TRANK1: variants seen among roughly 807,000 people sequenced by gnomAD.
The protein encoded by TRANK1 is TPR and ankyrin repeat-containing protein 1.
In TRANK1, 198 loss-of-function variants were observed where a neutral mutation model predicts 266.0. The ratio of observed to expected loss-of-function variants is 0.74; its 90% CI spans 0.66 to 0.84. The LOEUF (loss-of-function observed/expected upper bound fraction) is 0.84. TRANK1 is among the 40% of genes least tolerant of loss of function. TRANK1 has a pLI of 0.00. For missense variants in TRANK1, 3,326 were observed against 3,634.6 expected (o/e 0.92, Z 2.18); for synonymous variants, 1,396 against 1,384.1 (o/e 1.01, Z -0.19).
Position 36,851,729 on chromosome 3 carries a change from GT to G in TRANK1, c.4876del (p.Thr1626LeufsTer47), listed in dbSNP as rs1325556576. 1 of 1,611,786 alleles carries G rather than the reference GT, an allele frequency of 6.2e-7. No individual in the cohort carries two copies. Among genetic ancestry groups the G allele is most frequent in the Non-Finnish European group, 8.5e-7 (1 of 1,179,330 alleles). On this transcript the variant is annotated frameshift_variant, in exon 15 of 24. Coordinates refer to ENST00000645898, the MANE Select transcript of TRANK1 (RefSeq NM_001329998.2). LOFTEE classifies it high-confidence loss of function. ...TTAGGTGTGACATACCTCAGAATCA[GT>G]AAAAAAGTTGTAAAGGAGGACATCA... The part of the protein sequence containing the change: ...FDDVLLYNFF[T>X]DSEAYKEWKI...
rs904129336 is a variant in TRANK1, at chr3:36,831,699, A to G, written c.7884T>C (p.Ala2628=). 6.2e-7 allele frequency: 1 copy of G among 1,613,854 alleles called. No homozygotes were observed. ...VLVAVNVKSV[A]EALQDLLFER... is the part of the protein sequence containing the mutation. ...CAAAGAGCAGGTCCTGCAGTGCCTC[A>G]GCCACAGACTTCACATTGACTGCCA... is the stretch of plus-strand genomic sequence containing the variant. The change falls in exon 22 of 24, where the codon GCT becomes GCC. Residue 2628 remains alanine (A), a synonymous_variant. Coordinates refer to ENST00000645898, the MANE Select transcript of TRANK1 (RefSeq NM_001329998.2). This position sits in a 1 kb window ranked among gnomAD's most constrained non-coding sequence, Gnocchi z 5.0.
Position 36,895,687 on chromosome 3 carries a change from C to G in TRANK1, c.505G>C (p.Val169Leu). 6.5e-7 allele frequency: 1 copy of G among 1,536,686 alleles called. No homozygotes were observed. Among genetic ancestry groups the G allele is most frequent in the East Asian group, 2.4e-5 (1 of 40,858 alleles). The stretch of plus-strand genomic sequence containing the variant: ...AACTTTTCTATTACAGATTGCCACA[C>G]TTCTGTTGGGAATCCAGTTGTGAAA... ...HIFTTGFPTE[V>L]WQSVIEKLAK... is the part of the protein sequence containing the mutation. The change falls in exon 5 of 24, where the codon GTG becomes CTG. Residue 169 changes from valine to leucine, a missense_variant. Coordinates refer to ENST00000645898, the MANE Select transcript of TRANK1 (RefSeq NM_001329998.2).
chr3:36,850,092 C>T (rs1167897950), intron 15 of TRANK1: 7 of 985,414 alleles, frequency 7.1e-6, no homozygotes, highest in African/African-American at 3.5e-5. Context: ...GCTCCTTGAG[C>T]TTCTTACTCG....
chr3:36,855,862 C>G lies in TRANK1; in HGVS notation c.3860G>C (p.Ser1287Thr), dbSNP rs1391594823. The G allele has an allele frequency of 1.2e-6, 2 of 1,613,562 alleles. No individual in the cohort carries two copies. Among genetic ancestry groups the G allele is most frequent in the East Asian group, 2.2e-5 (1 of 44,846 alleles). Residue 1287 changes from serine to threonine, a missense_variant, in exon 13 of 24, where the codon AGT becomes ACT. Physicochemically the swap from Ser to Thr is moderately conservative, Grantham distance 58. Coordinates refer to ENST00000645898, the MANE Select transcript of TRANK1 (RefSeq NM_001329998.2). ...WSAQEESTIP[S>T]WQEDEEEAEV... ...AGCCTCCTCTTCATCCTCTTGCCAA[C>G]TAGGAATGGTTGACTCTTCCTGTGC...
At position 36,910,511 on chromosome 3, in the gene TRANK1, G is replaced by A. The variant is rs138981717; in HGVS notation, c.24-2057C>T. 7.5e-3 allele frequency among the ~76,000 whole-genome samples: 1,141 copies of A among 152,086 alleles called. 12 individuals are homozygous for A. The highest frequency in any genetic ancestry group is 0.024 in the African/African-American group (1,011 of 41,482). On this transcript the variant is annotated intron_variant, in intron 1 of 23. Coordinates refer to ENST00000645898, the MANE Select transcript of TRANK1 (RefSeq NM_001329998.2). ...TCCCAGCACTTTGGGAGGCTGAGGC[G>A]GGCAGACCACCTGAGGTCAGGAGTT... is the stretch of plus-strand genomic sequence containing the variant.
chr3:36,844,396 T>C (rs1386621598), intron 17 of TRANK1, among the ~76,000 whole-genome samples: 2 of 152,098 alleles, frequency 1.3e-5, no homozygotes, highest in Non-Finnish European at 2.9e-5. Flanking sequence ...CGGGCTAATT[T>C]TTGTATTTTT....
chr3:36,943,635 CTT>C (rs113837132), intron 1 of TRANK1, among the ~76,000 whole-genome samples: 1 of 145,648 alleles, frequency 6.9e-6, no homozygotes. Context: ...CACCGTAGTA[CTT>C]TTTTTTTTTT....
chr3:36,889,321 T>C (rs780991081), intron 8 of TRANK1, among the ~76,000 whole-genome samples: 1 of 152,156 alleles, frequency 6.6e-6, no homozygotes, highest in Non-Finnish European at 1.5e-5. Context: ...GCTAACATGG[T>C]GCACCGGTGT....
In TRANK1 at chr3:36,832,751, G is replaced by A. The variant is rs780368311; in HGVS notation, c.6832C>T (p.His2278Tyr). Reference sequence around the variant, plus strand: ...GGGTTTTCTGACAACACTCTCTGATGGAAATGCTTAGGGAAAAGGACATCC... The same window carrying A: ...GGGTTTTCTGACAACACTCTCTGATAGAAATGCTTAGGGAAAAGGACATCC... ...ILDVLFPKHF[H>Y]QRVLSENPMA... is the part of the protein sequence containing the mutation. Residue 2278 changes from histidine (H) to tyrosine (Y), a missense_variant, in exon 22 of 24, where the codon CAT (histidine) becomes TAT (tyrosine). By Grantham distance (83) the His-to-Tyr change is moderately conservative. Coordinates refer to ENST00000645898, the MANE Select transcript of TRANK1 (RefSeq NM_001329998.2). 6.2e-7 allele frequency: 1 copy of A among 1,613,998 alleles called. No homozygotes were observed. Among genetic ancestry groups the A allele is most frequent in the Admixed American group, 1.7e-5 (1 of 60,022 alleles).
At position 36,874,167 on chromosome 3, in the gene TRANK1, C is replaced by T. The variant is rs2079351600; in HGVS notation, c.1037G>A (p.Ser346Asn). Reference protein sequence around the residue: ...KNFKAIEKINSHLEKLATCSK... With the variant: ...KNFKAIEKINNHLEKLATCSK... ...ACACGTAGCTAGCTTTTCTAAGTGA[C>T]TGTTGATTTTCTCGATGGCTTTGAA... The change falls in exon 9 of 24, where the codon AGT (serine) becomes AAT (asparagine). Residue 346 changes from serine to asparagine, a missense_variant. Coordinates refer to ENST00000645898, the MANE Select transcript of TRANK1 (RefSeq NM_001329998.2). 5 of 1,537,504 alleles carry T rather than the reference C, an allele frequency of 3.3e-6. No homozygotes were observed. Among genetic ancestry groups the T allele is most frequent in the Non-Finnish European group, 4.4e-6 (5 of 1,146,962 alleles).
At chr3:36,940,912 T>C (rs529015786) in intron 1 of TRANK1, among the ~76,000 whole-genome samples, 19 of 152,318 alleles carry the variant, frequency 1.2e-4, no homozygotes, top group African/African-American at 4.6e-4. Flanking sequence ...CCTTAGTACC[T>C]GGCCAATGAG....
intron 20 of TRANK1, among the ~76,000 whole-genome samples, chr3:36,835,146 C>T (rs1389423275): frequency 1.3e-5 from 2 of 151,208 alleles, no homozygotes; most frequent in African/African-American, 2.4e-5. Context: ...GGTGAAACCC[C>T]GTCTCTACTA....
chr3:36,841,454 T>C (rs1299102180), intron 18 of TRANK1, among the ~76,000 whole-genome samples: 1 of 152,188 alleles, frequency 6.6e-6, no homozygotes, highest in Non-Finnish European at 1.5e-5. Context: ...GCATTTGGTA[T>C]GGTCATGCCT....
intron 1 of TRANK1, 22 bp downstream of exon 1, chr3:36,944,765 T>C: frequency 6.7e-7 from 1 of 1,500,058 alleles, no homozygotes; most frequent in Non-Finnish European, 8.8e-7. Flanking sequence ...GATGCCCCAG[T>C]GCTTCCCGCG....
At chr3:36,845,333 T>C (rs1346030043) in intron 17 of TRANK1, among the ~76,000 whole-genome samples, 1 of 152,246 alleles carries the variant, frequency 6.6e-6, no homozygotes, top group Non-Finnish European at 1.5e-5. Context: ...TCTTACTATC[T>C]GAACTAAGAG....
chr3:36,847,762 T>C (rs891352941), intron 15 of TRANK1, among the ~76,000 whole-genome samples: 4 of 152,228 alleles, frequency 2.6e-5, no homozygotes, highest in African/African-American at 9.6e-5. Flanking sequence ...CTAAATTATT[T>C]AACCGAGGAT....
chr3:36,857,732 G>C lies in TRANK1; in HGVS notation c.1990C>G (p.Leu664Val). 4 of 1,614,012 alleles carry C rather than the reference G, an allele frequency of 2.5e-6. No individual in the cohort carries two copies. Among genetic ancestry groups the C allele is most frequent in the Non-Finnish European group, 3.4e-6 (4 of 1,179,904 alleles). Reference protein sequence around the residue: ...RRSRQDSAAHLGKLSKSTAPG... With the variant: ...RRSRQDSAAHVGKLSKSTAPG... ...GCAGTGGACTTTGAGAGCTTCCCCA[G>C]GTGGGCAGCAGAGTCCTGCCGGCTC... is the stretch of plus-strand genomic sequence containing the variant. Residue 664 changes from leucine to valine, a missense_variant, in exon 13 of 24, where the codon CTG becomes GTG. Coordinates refer to ENST00000645898, the MANE Select transcript of TRANK1 (RefSeq NM_001329998.2). The surrounding 1 kb of genome is among the most constrained non-coding windows in gnomAD (Gnocchi z 4.3).
chr3:36,917,535 C>T (rs2080143607), intron 1 of TRANK1, among the ~76,000 whole-genome samples: 1 of 152,096 alleles, frequency 6.6e-6, no homozygotes, highest in African/African-American at 2.4e-5. Context: ...AAGAGGTGAA[C>T]TTCTTTCTTT....
chr3:36,944,961 G>T lies in TRANK1; in HGVS notation c.-152C>A. 3 of 692,766 alleles carry T rather than the reference G, an allele frequency of 4.3e-6. No individual in the cohort carries two copies. The highest frequency in any genetic ancestry group is 6.4e-6 in the Non-Finnish European group (3 of 468,260). 42.9% of individuals were successfully genotyped at this position (692,766 alleles called of 1,614,324 possible). A position where few individuals can be genotyped will look rare whatever the true frequency, so the allele number is the denominator to read the frequency against. On this transcript the variant is annotated 5_prime_UTR_variant, in exon 1 of 24. It adds an upstream start codon to the 5' untranslated region. Coordinates refer to ENST00000645898, the MANE Select transcript of TRANK1 (RefSeq NM_001329998.2). ...CAGAGGCGGCGTTCGGGGGCCCCCAGCTGCCTGCGGCTCGGCTACCCAGCC... is the reference window on the plus strand; with the variant it reads ...CAGAGGCGGCGTTCGGGGGCCCCCATCTGCCTGCGGCTCGGCTACCCAGCC...
Sources: allele counts gnomAD v4.1 joint callset (sites outside exome capture counted in the v4.1 genomes callset), GRCh38; gene constraint gnomAD v4.1.1; non-coding constraint Gnocchi (gnomAD v3.1); transcripts MANE v1.5; gene names NCBI Gene and HGNC (gene_info 2026-07-23, HGNC 2026-07-21).